The following LMOD1 variants were observed in gnomAD, a reference collection of about 807,000 sequenced individuals.
LMOD1 encodes leiomodin 1.
A neutral mutation model predicts 36.5 loss-of-function variants in LMOD1; 8 were observed. The observed-to-expected ratio is 0.22, with a 90% CI of 0.13 to 0.40. The LOEUF (loss-of-function observed/expected upper bound fraction) is 0.40, where lower values mean the gene tolerates loss of function less well. Ranked by LOEUF, LMOD1 falls within the 10% of genes least tolerant of loss-of-function variation. The pLI, the probability that LMOD1 is intolerant of heterozygous loss-of-function variation, is 1.00. For synonymous variants in LMOD1, 284 were observed against 288.7 expected (o/e 0.98, Z 0.17); for missense variants, 630 against 751.1 (o/e 0.84, Z 1.88).
At position 201,899,407 on chromosome 1, in the gene LMOD1, G is replaced by C; in HGVS notation, c.1606C>G (p.Pro536Ala). Residue 536 changes from proline to alanine, a missense_variant, in exon 2 of 3, where the codon CCC (proline) becomes GCC (alanine). Around this residue, in one of 3 missense-constraint regions of LMOD1, gnomAD observed 144 missense variants for 169.8 expected, o/e 0.85. Transcript: ENST00000367288. The surrounding 1 kb of genome is among the most constrained non-coding windows in gnomAD (Gnocchi z 6.3). Reference sequence around the variant, plus strand: ...GGTGGAGCCAAGGGAGGGGGAGGGGGTGGTGGGGCAGCTGGAGCACCCCCT... The same window carrying C: ...GGTGGAGCCAAGGGAGGGGGAGGGGCTGGTGGGGCAGCTGGAGCACCCCCT... ...KKGGAPAAPP[P>A]PPPPLAPPLI... 1 of 1,611,820 alleles carries C rather than the reference G, an allele frequency of 6.2e-7. No homozygotes were observed.
intron 1 of LMOD1, among the ~76,000 whole-genome samples, chr1:201,902,939 AC>A (rs1681356010): frequency 6.6e-6 from 1 of 152,192 alleles, no homozygotes; most frequent in Non-Finnish European, 1.5e-5. Context: ...TCCAACTGTG[AC>A]CCCAGAGCAA....
intron 1 of LMOD1, among the ~76,000 whole-genome samples, chr1:201,933,168 C>T (rs1434544621): frequency 2.0e-5 from 3 of 152,118 alleles, no homozygotes; most frequent in Non-Finnish European, 4.4e-5. Flanking sequence ...AATCCCAGCA[C>T]TTTGGGAGGC....
chr1:201,922,121 G>A (rs746192632), intron 1 of LMOD1, among the ~76,000 whole-genome samples: 5 of 152,168 alleles, frequency 3.3e-5, no homozygotes, highest in Admixed American at 1.3e-4. Context: ...GGAGAAATTG[G>A]ACCCCTTGTA....
chr1:201,911,172 T>C (rs2820322), intron 1 of LMOD1, among the ~76,000 whole-genome samples: 48,641 of 151,848 alleles, frequency 0.32, 7,991 homozygotes, highest in African/African-American at 0.34. Context: ...GGCTCAGCTC[T>C]GGGGACACAG....
chr1:201,946,458 C>A lies in LMOD1; in HGVS notation c.-118G>T. 1 of 1,052,678 alleles carries A rather than the reference C, an allele frequency of 9.5e-7. No homozygotes were observed. Among genetic ancestry groups the A allele is most frequent in the South Asian group, 1.5e-5 (1 of 64,602 alleles). The allele number at this position is 1,052,678 out of a possible 1,614,324, so 65.2% of individuals were successfully genotyped here. Reference sequence around the variant, plus strand: ...GCTGAGGAGCAAACCTCCTGCTGGTCGAGGACTGCAGCTCCTTGGCCCTTC... The same window carrying A: ...GCTGAGGAGCAAACCTCCTGCTGGTAGAGGACTGCAGCTCCTTGGCCCTTC... On this transcript the variant is annotated 5_prime_UTR_variant, in exon 1 of 3. Coordinates refer to ENST00000367288, the MANE Select transcript of LMOD1 (RefSeq NM_012134.3).
rs917145853 is a variant in LMOD1 at position 201,899,285 on chromosome 1, G to A, written c.1728C>T (p.Asp576=). ...VLPAQEKNSR[D]QLLAAIRSSN... Reference sequence around the variant, plus strand: ...TGGAGCGGATGGCAGCCAATAGCTGGTCACGGGAGTTCTTCTCCTGGGCAG... The same window carrying A: ...TGGAGCGGATGGCAGCCAATAGCTGATCACGGGAGTTCTTCTCCTGGGCAG... Residue 576 remains aspartate (D), a synonymous_variant, in exon 2 of 3, where the codon GAC becomes GAT. Transcript: ENST00000367288. The surrounding 1 kb of genome is among the most constrained non-coding windows in gnomAD (Gnocchi z 6.3). 1 of 1,607,662 alleles carries A rather than the reference G, an allele frequency of 6.2e-7. No individual in the cohort carries two copies. Among genetic ancestry groups the A allele is most frequent in the Non-Finnish European group, 8.5e-7 (1 of 1,176,102 alleles).
intron 1 of LMOD1, among the ~76,000 whole-genome samples, chr1:201,925,609 T>C (rs1055834424): frequency 6.6e-6 from 1 of 152,060 alleles, no homozygotes; most frequent in Non-Finnish European, 1.5e-5. Flanking sequence ...GATGAACCAG[T>C]TGACCTTCTC....
intron 1 of LMOD1, among the ~76,000 whole-genome samples, chr1:201,940,280 G>A (rs562044173): frequency 6.8e-6 from 1 of 146,908 alleles, no homozygotes; most frequent in East Asian, 2.0e-4. Context: ...TCCATCTCCT[G>A]GGTTCAAGGG....
intron 1 of LMOD1, among the ~76,000 whole-genome samples, chr1:201,939,976 C>A (rs1682086273): frequency 1.3e-5 from 2 of 152,094 alleles, no homozygotes; most frequent in South Asian, 2.1e-4. Context: ...CTTGTCCCAG[C>A]CTGGGGACCA....
chr1:201,921,545 A>G (rs180922443), intron 1 of LMOD1, among the ~76,000 whole-genome samples: 23 of 149,952 alleles, frequency 1.5e-4, no homozygotes, highest in African/African-American at 5.1e-4. Context: ...TCTAGGCTTG[A>G]CAGGTAGGTT....
chr1:201,946,363 G>T lies in LMOD1; in HGVS notation c.-23C>A, dbSNP rs369832639. 69 of 1,609,606 alleles carry T rather than the reference G, an allele frequency of 4.3e-5. No homozygotes were observed. The highest frequency in any genetic ancestry group is 5.5e-5 in the Non-Finnish European group (65 of 1,177,202). ...CATCTTGGCAAAATGGGCTGTGGCT[G>T]CCAGGGGCTATCAGAGTCCTGGTGG... is the stretch of plus-strand genomic sequence containing the variant. On this transcript the variant is annotated 5_prime_UTR_variant, in exon 1 of 3. Coordinates refer to ENST00000367288, the MANE Select transcript of LMOD1 (RefSeq NM_012134.3).
At position 201,946,504 on chromosome 1, in the gene LMOD1, GTTCA is replaced by G; in HGVS notation, c.-168_-165del. 1.4e-6 allele frequency: 1 copy of G among 712,116 alleles called. No individual in the cohort carries two copies. The highest frequency in any genetic ancestry group is 2.3e-6 in the Non-Finnish European group (1 of 438,478). The allele number at this position is 712,116 out of a possible 1,614,324, so 44.1% of individuals were successfully genotyped here. The stretch of plus-strand genomic sequence containing the variant: ...CCTTCTGTGCTACAGGTGCTGAAGT[GTTCA>G]CTGGACGCAGCAGCCTCCCTGAAGC... On this transcript the variant is annotated 5_prime_UTR_variant, in exon 1 of 3. Transcript: ENST00000367288.
chr1:201,900,542 G>A lies in LMOD1; in HGVS notation c.471C>T (p.Gly157=), dbSNP rs750894189. ...CAGCCCTGACCCGGCCCTTGTCAAT[G>A]CCCCGGATGATCTTCTCCTCCTTGG... ...EKPKEEKIIR[G]IDKGRVRAAV... Residue 157 remains glycine, a synonymous_variant, in exon 2 of 3, where the codon GGC becomes GGT. Transcript: ENST00000367288. 1 of 1,613,554 alleles carries A rather than the reference G, an allele frequency of 6.2e-7. No homozygotes were observed. Among genetic ancestry groups the A allele is most frequent in the Non-Finnish European group, 8.5e-7 (1 of 1,179,832 alleles).
chr1:201,932,669 G>A (rs1410020145), intron 1 of LMOD1, among the ~76,000 whole-genome samples: 1 of 152,102 alleles, frequency 6.6e-6, no homozygotes, highest in African/African-American at 2.4e-5. Context: ...TTGAGCCCAG[G>A]AGGCAGAGGT....
intron 1 of LMOD1, among the ~76,000 whole-genome samples, chr1:201,923,304 GC>G (rs1390985269): frequency 7.9e-5 from 12 of 152,144 alleles, no homozygotes; most frequent in African/African-American, 2.2e-4. Context: ...CACAGTGGAT[GC>G]TTCATAACTG....
rs1189029442 is a variant in LMOD1 at position 201,898,265 on chromosome 1, C to T, written c.*107G>A. On this transcript the variant is annotated 3_prime_UTR_variant, in exon 3 of 3. Coordinates refer to ENST00000367288, the MANE Select transcript of LMOD1 (RefSeq NM_012134.3). Reference sequence around the variant, plus strand: ...GGACTCTCCCATGGCAGAATAGGGACATCCACAGCAGGTCAGCCAGGGATG... The same window carrying T: ...GGACTCTCCCATGGCAGAATAGGGATATCCACAGCAGGTCAGCCAGGGATG... 2 of 1,120,898 alleles carry T rather than the reference C, an allele frequency of 1.8e-6. No individual in the cohort carries two copies. The highest frequency in any genetic ancestry group is 2.5e-5 in the East Asian group (1 of 39,422). 69.4% of individuals were successfully genotyped at this position (1,120,898 alleles called of 1,614,324 possible).
At chr1:201,908,947 T>C (rs1421479365) in intron 1 of LMOD1, among the ~76,000 whole-genome samples, 1 of 152,148 alleles carries the variant, frequency 6.6e-6, no homozygotes, top group Admixed American at 6.5e-5. Flanking sequence ...CCAATAAACC[T>C]GACAAGCAAC....
intron 1 of LMOD1, among the ~76,000 whole-genome samples, chr1:201,901,517 T>G (rs1415145554): frequency 1.5e-5 from 1 of 66,126 alleles, no homozygotes; most frequent in African/African-American, 7.8e-5. Flanking sequence ...AAAAAATATA[T>G]ATATATATAT....
rs1478896388 is a variant in LMOD1, at chr1:201,901,556, ATATATATG to A, written c.262-813_262-806del. 9.6e-4 allele frequency among the ~76,000 whole-genome samples: 34 copies of A among 35,578 alleles called. 1 individual carries two copies. The highest frequency in any genetic ancestry group is 2.4e-3 in the South Asian group (3 of 1,234). 23.3% of individuals were successfully genotyped at this position (35,578 alleles called of 152,430 possible). A position where few individuals can be genotyped will look rare whatever the true frequency, so the allele number is the denominator to read the frequency against. ...TATATATATATATATATATATACAT[ATATATATG>A]TATATATATATATATATATACATAT... On this transcript the variant is annotated intron_variant, in intron 1 of 2. Transcript: ENST00000367288.
Sources: allele counts gnomAD v4.1 joint callset (sites outside exome capture counted in the v4.1 genomes callset), GRCh38; gene constraint gnomAD v4.1.1; regional missense constraint gnomAD v4.1.1; non-coding constraint Gnocchi (gnomAD v3.1); transcripts MANE v1.5; gene names NCBI Gene and HGNC (gene_info 2026-07-23, HGNC 2026-07-21).